QTRT1: variants seen among roughly 807,000 people sequenced by gnomAD.
QTRT1 encodes TGT, 43-KD subunit.
Under a neutral mutation model 44.0 loss-of-function variants are expected in QTRT1, and 41 were observed. The observed-to-expected ratio is 0.93, with a 90% confidence interval of 0.73 to 1.21. The LOEUF is 1.21. Ranked by LOEUF, QTRT1 falls within the 50% of genes most tolerant of loss-of-function variation. The pLI is 0.00. For synonymous variants in QTRT1, 226 were observed against 237.1 expected (o/e 0.95, Z 0.43); for missense variants, 542 against 575.8 (o/e 0.94, Z 0.60).
chr19:10,709,528 A>G (rs556077111), intron 5 of QTRT1, among the ~76,000 whole-genome samples: 2 of 152,180 alleles, frequency 1.3e-5, no homozygotes, highest in Non-Finnish European at 2.9e-5. Context: ...CCTGGCCAAC[A>G]TGGTAAAACC....
chr19:10,712,124 C>A lies in QTRT1; in HGVS notation c.647-37C>A. On this transcript the variant is annotated intron_variant, in intron 5 of 9. Transcript: ENST00000250237. The surrounding 1 kb of genome is among the most constrained non-coding windows in gnomAD (Gnocchi z 5.6). ...CTGGGATTGAAGACCAGGCGCATTT[C>A]CTCTTCTGTGGCCCTCACCTTACCC... 6.2e-7 allele frequency: 1 copy of A among 1,610,212 alleles called. No individual in the cohort carries two copies. Among genetic ancestry groups the A allele is most frequent in the Non-Finnish European group, 8.5e-7 (1 of 1,179,960 alleles).
chr19:10,712,559 C>T lies in QTRT1; in HGVS notation c.792C>T (p.Ala264=), dbSNP rs1303829433. ...GTCATGGCTGCAACCCCAGCTATGC[C>T]ACTGATCTGGTAGTCTGCGTGGCTC... is the stretch of plus-strand genomic sequence containing the variant. ...KPRYLMGVGY[A]TDLVVCVALG... The change falls in exon 7 of 10, where the codon GCC becomes GCT. Residue 264 remains alanine (A), a synonymous_variant. Transcript: ENST00000250237. The surrounding 1 kb of genome is among the most constrained non-coding windows in gnomAD (Gnocchi z 5.6). The T allele has an allele frequency of 6.2e-7, 1 of 1,613,826 alleles. No homozygotes were observed. Among genetic ancestry groups the T allele is most frequent in the East Asian group, 2.2e-5 (1 of 44,880 alleles).
At chr19:10,705,530 C>T (rs916716560) in intron 3 of QTRT1, among the ~76,000 whole-genome samples, 4 of 150,934 alleles carry the variant, frequency 2.7e-5, no homozygotes, top group Admixed American at 6.6e-5. Context: ...TGAGTCACCA[C>T]GCCTGCCCCT....
chr19:10,711,331 C>T (rs1169839222), intron 5 of QTRT1: 1 of 151,690 alleles, frequency 6.6e-6, no homozygotes, highest in Non-Finnish European at 1.5e-5. Flanking sequence ...ATCACCACAC[C>T]TGGCTAATTT....
chr19:10,704,824 T>A (rs1372099984), intron 3 of QTRT1, among the ~76,000 whole-genome samples: 1 of 151,464 alleles, frequency 6.6e-6, no homozygotes, highest in East Asian at 1.9e-4. Flanking sequence ...CGACCTCAGG[T>A]GATCCGCCTG....
chr19:10,711,978 T>C (rs1006102596), intron 5 of QTRT1, 183 bp from the exon 6 acceptor site: 15 of 701,254 alleles, frequency 2.1e-5, no homozygotes, highest in African/African-American at 8.9e-5. Context: ...GACAAACTGA[T>C]GGACCCTCTC....
rs774260471 is a variant in QTRT1 at position 10,702,031 on chromosome 19, G to C, written c.312+13G>C. ...TAATCTGCTAACGGTGAGCTGAGGA[G>C]AGAGCCGACGTTCTAGGGCCCTTCT... is the stretch of plus-strand genomic sequence containing the variant. On this transcript the variant is annotated intron_variant, in intron 2 of 9. Transcript: ENST00000250237. The C allele has an allele frequency of 3.7e-6, 6 of 1,614,200 alleles. No individual in the cohort carries two copies. In the South Asian group the frequency reaches 4.4e-5, roughly 12 times the overall value.
chr19:10,703,466 TTTC>T (rs912177784), intron 3 of QTRT1, among the ~76,000 whole-genome samples: 1 of 152,146 alleles, frequency 6.6e-6, no homozygotes, highest in Non-Finnish European at 1.5e-5. Context: ...AGAAATATTT[TTTC>T]TTCTTAGATT....
At chr19:10,708,315 A>G (rs1370106005) in intron 5 of QTRT1, among the ~76,000 whole-genome samples, 1 of 152,092 alleles carries the variant, frequency 6.6e-6, no homozygotes, top group African/African-American at 2.4e-5. Flanking sequence ...CCTGGAGTGC[A>G]GTGGCTAGGT....
At position 10,712,066 on chromosome 19, in the gene QTRT1, T is replaced by G. The variant is rs2068740912; in HGVS notation, c.647-95T>G. ...CTGTCTGTTTCTCTGACTCTCTCCC[T>G]GAGCGACTCTGGAAGTCTGGGCAGG... is the stretch of plus-strand genomic sequence containing the variant. On this transcript the variant is annotated intron_variant, in intron 5 of 9. Transcript: ENST00000250237. This position sits in a 1 kb window ranked among gnomAD's most constrained non-coding sequence, Gnocchi z 5.6. 2.6e-6 allele frequency: 4 copies of G among 1,509,628 alleles called. No individual in the cohort carries two copies. The highest frequency in any genetic ancestry group is 4.5e-5 in the East Asian group (2 of 44,412). 93.5% of individuals were successfully genotyped at this position (1,509,628 alleles called of 1,614,324 possible).
At chr19:10,701,767 TC>T in intron 1 of QTRT1, 64 bp downstream of exon 1, 1 of 1,556,358 alleles carries the variant, frequency 6.4e-7, no homozygotes, top group Non-Finnish European at 8.7e-7. Flanking sequence ...CCATGGAGCG[TC>T]CTCCAGGCCC....
chr19:10,709,566 G>A (rs969704966), intron 5 of QTRT1, among the ~76,000 whole-genome samples: 1 of 152,158 alleles, frequency 6.6e-6, no homozygotes, highest in African/African-American at 2.4e-5. Flanking sequence ...ACAAAAATTA[G>A]GCCGGGCGTG....
At position 10,712,697 on chromosome 19, in the gene QTRT1, G is replaced by A; in HGVS notation, c.862-61G>A. ...GGACTAGGGAGGCAAGGTTAGGGGT[G>A]GGGGGTGGGGAGAATGAAGCCCTGG... is the stretch of plus-strand genomic sequence containing the variant. On this transcript the variant is annotated intron_variant, in intron 7 of 9. Coordinates refer to ENST00000250237, the MANE Select transcript of QTRT1 (RefSeq NM_031209.3). This position sits in a 1 kb window ranked among gnomAD's most constrained non-coding sequence, Gnocchi z 5.6. 2 of 657,128 alleles carry A rather than the reference G, an allele frequency of 3.0e-6. No homozygotes were observed. The highest frequency in any genetic ancestry group is 5.9e-4 in the Middle Eastern group (2 of 3,418). The allele number at this position is 657,128 out of a possible 1,614,324, so 40.7% of individuals were successfully genotyped here. A position where few individuals can be genotyped will look rare whatever the true frequency, so the allele number is the denominator to read the frequency against.
At chr19:10,709,529 T>A (rs762482619) in intron 5 of QTRT1, among the ~76,000 whole-genome samples, 1 of 152,034 alleles carries the variant, frequency 6.6e-6, no homozygotes, top group East Asian at 1.9e-4. Context: ...CTGGCCAACA[T>A]GGTAAAACCC....
In QTRT1 at chr19:10,713,263, T is replaced by C. The variant is rs2068748461; in HGVS notation, c.1205T>C (p.Leu402Pro). The C allele has an allele frequency of 6.3e-7, 1 of 1,584,254 alleles. No homozygotes were observed. The highest frequency in any genetic ancestry group is 8.6e-7 in the Non-Finnish European group (1 of 1,165,432). Residue 402 changes from leucine (L) to proline (P), a missense_variant, in exon 10 of 10, where the codon CTG (leucine) becomes CCG (proline). Coordinates refer to ENST00000250237, the MANE Select transcript of QTRT1 (RefSeq NM_031209.3). The surrounding 1 kb of genome is among the most constrained non-coding windows in gnomAD (Gnocchi z 4.3). ...TDALASVGIT[L>P]G ...GCTCTGGCCTCTGTGGGAATCACACTGGGCTGACCTGGCATTGGGAGAGGG... is the reference window on the plus strand; with the variant it reads ...GCTCTGGCCTCTGTGGGAATCACACCGGGCTGACCTGGCATTGGGAGAGGG...
At chr19:10,710,099 C>T (rs1337265722) in intron 5 of QTRT1, among the ~76,000 whole-genome samples, 2 of 151,484 alleles carry the variant, frequency 1.3e-5, no homozygotes, top group African/African-American at 4.9e-5. Flanking sequence ...GTGGGAGGAT[C>T]GCTTGAGCCC....
At chr19:10,711,762 T>G (rs945334028) in intron 5 of QTRT1, 2 of 270,972 alleles carry the variant, frequency 7.4e-6, no homozygotes, top group Non-Finnish European at 1.4e-5. Context: ...GCGCCTAACA[T>G]GACAGCTGTT....
In QTRT1 at chr19:10,712,780, C is replaced by T; in HGVS notation, c.884C>T (p.Pro295Leu). ...RTARFGSALVPTGNLQLRKKV... is the reference protein window; with the variant it reads ...RTARFGSALVLTGNLQLRKKV... ...CAGCGCTTTGGCTCTGCCCTGGTGC[C>T]CACTGGGAACCTGCAGTTGAGGAAG... The change falls in exon 8 of 10, where the codon CCC (proline) becomes CTC (leucine). Residue 295 changes from proline (P) to leucine (L), a missense_variant. Pro to Leu is a moderately conservative substitution (Grantham distance 98). Coordinates refer to ENST00000250237, the MANE Select transcript of QTRT1 (RefSeq NM_031209.3). This position sits in a 1 kb window ranked among gnomAD's most constrained non-coding sequence, Gnocchi z 5.6. 1 of 1,614,024 alleles carries T rather than the reference C, an allele frequency of 6.2e-7. No homozygotes were observed. The highest frequency in any genetic ancestry group is 8.5e-7 in the Non-Finnish European group (1 of 1,180,004).
intron 3 of QTRT1, among the ~76,000 whole-genome samples, chr19:10,702,593 C>T (rs539814956): frequency 9.2e-5 from 14 of 151,672 alleles, no homozygotes; most frequent in East Asian, 1.9e-4. Flanking sequence ...CACTTGAGGC[C>T]GGGAGTTGGA....
Sources: gnomAD v4.1 joint callset for allele counts (sites outside exome capture counted in the v4.1 genomes callset) on GRCh38, gnomAD v4.1.1 for gene constraint, Gnocchi (gnomAD v3.1) non-coding constraint, MANE v1.5 for transcripts, NCBI Gene and HGNC (gene_info 2026-07-23, HGNC 2026-07-21) for gene names.